Variants in MIER1 observed in about 807,000 individuals in gnomAD.
MIER1 encodes MIER1 transcriptional regulator.
MIER1 carries 40 observed loss-of-function variants against 75.7 expected under a neutral mutation model. The observed-to-expected ratio is 0.53, with a 90% CI of 0.41 to 0.69. MIER1 has a LOEUF of 0.69. Among genes scored for constraint, MIER1 ranks in the 30% least tolerant of loss-of-function variants. MIER1 has a pLI of 0.00. For synonymous variants in MIER1, 213 were observed against 223.4 expected (o/e 0.95, Z 0.42); for missense variants, 574 against 680.2 (o/e 0.84, Z 1.74).
chr1:66,945,631 G>C (rs1447363854), intron 3 of MIER1, among the ~76,000 whole-genome samples: 5 of 152,132 alleles, frequency 3.3e-5, no homozygotes, highest in African/African-American at 7.2e-5. Context: ...GGACGCCAAG[G>C]CAGGATGATT....
chr1:66,982,648 G>A (rs1469431549), intron 13 of MIER1, among the ~76,000 whole-genome samples: 2 of 152,218 alleles, frequency 1.3e-5, no homozygotes, highest in Admixed American at 1.3e-4. Context: ...ACTGGTGATA[G>A]GAGAGTACCA....
rs1360972198 is a variant in MIER1, at chr1:66,955,424, A to G, written c.340-2635A>G. 3.5e-5 allele frequency among the ~76,000 whole-genome samples: 5 copies of G among 142,462 alleles called. No homozygotes were observed. The Admixed American group carries it at 3.9e-4, about 11-fold the overall frequency. The allele number at this position is 142,462 out of a possible 152,430, so 93.5% of individuals were successfully genotyped here. A position where few individuals can be genotyped will look rare whatever the true frequency, so the allele number is the denominator to read the frequency against. ...TAGGTCAGAAAGTTGGGTGAGGCTC[A>G]GCAGCCCATTTTAGTAAGCCCTCAA... On this transcript the variant is annotated intron_variant, in intron 4 of 13. Transcript: ENST00000401041.
At position 66,987,978 on chromosome 1, in the gene MIER1, G is replaced by A. The variant is rs1345214404; in HGVS notation, c.*3078G>A. ...AAATAATGTGTTCCCGTATTTTGTA[G>A]TGGAGTTCATATCACATTATGTTTT... On this transcript the variant is annotated 3_prime_UTR_variant, in exon 14 of 14. Coordinates refer to ENST00000401041, the MANE Select transcript of MIER1 (RefSeq NM_001077700.3). The A allele has an allele frequency of 1.3e-5, 2 of 152,226 alleles. No individual in the cohort carries two copies. The highest frequency in any genetic ancestry group is 3.8e-4 in the East Asian group (2 of 5,328). The allele number at this position is 152,226 out of a possible 1,614,324, so 9.4% of individuals were successfully genotyped here.
intron 1 of MIER1, chr1:66,925,637 C>A: frequency 1.3e-6 from 1 of 750,146 alleles, no homozygotes; most frequent in South Asian, 6.0e-5. Flanking sequence ...CCTCCTAGCG[C>A]GTGGGAGGAT....
Position 66,931,180 on chromosome 1 carries a change from A to G in MIER1, c.168+4938A>G, listed in dbSNP as rs1653253659. ...CTCGTTTTATAGTAAACAAGTTCCT[A>G]AAGCCCCTTTTTTTGATTTTACATA... On this transcript the variant is annotated intron_variant, in intron 2 of 13. Transcript: ENST00000401041. Among the ~76,000 whole-genome samples, 6 of 152,154 alleles carry G rather than the reference A, an allele frequency of 3.9e-5. No homozygotes were observed. The South Asian group carries it at 1.2e-3, about 32-fold the overall frequency.
chr1:66,986,425 A>G lies in MIER1; in HGVS notation c.*1525A>G. 6.2e-7 allele frequency: 1 copy of G among 1,613,314 alleles called. No individual in the cohort carries two copies. The highest frequency in any genetic ancestry group is 8.5e-7 in the Non-Finnish European group (1 of 1,179,476). On this transcript the variant is annotated 3_prime_UTR_variant, in exon 14 of 14. Coordinates refer to ENST00000401041, the MANE Select transcript of MIER1 (RefSeq NM_001077700.3). ...CAGGCATACTCCAAATGCTTCTTCC[A>G]GTTCATTTTTCAGCCATCAGTTCAA...
intron 4 of MIER1, among the ~76,000 whole-genome samples, chr1:66,948,801 A>G (rs1435383087): frequency 1.3e-5 from 2 of 152,234 alleles, no homozygotes; most frequent in African/African-American, 2.4e-5. Flanking sequence ...CATGAGGCTC[A>G]GGTGGGAGGA....
intron 8 of MIER1, among the ~76,000 whole-genome samples, chr1:66,970,378 GT>G (rs1297898373): frequency 9.2e-5 from 14 of 152,172 alleles, no homozygotes; most frequent in Admixed American, 6.5e-4. Context: ...AATAGTTACA[GT>G]TACAATTACA....
chr1:66,977,599 C>T (rs893262142), intron 12 of MIER1, among the ~76,000 whole-genome samples: 1 of 152,030 alleles, frequency 6.6e-6, no homozygotes, highest in African/African-American at 2.4e-5. Flanking sequence ...AATTTATTCC[C>T]ATGTTAAGAG....
At chr1:66,974,917 C>T (rs543967024) in intron 11 of MIER1, among the ~76,000 whole-genome samples, 6 of 152,056 alleles carry the variant, frequency 3.9e-5, no homozygotes, top group Non-Finnish European at 8.8e-5. Context: ...ATGACTTTAT[C>T]TTTTTGCTTT....
intron 13 of MIER1, among the ~76,000 whole-genome samples, chr1:66,984,258 A>G (rs4620509): frequency 0.22 from 33,114 of 152,162 alleles, 3,966 homozygotes; most frequent in Non-Finnish European, 0.26. Context: ...GCTGTCACAT[A>G]TACCTAATAT....
intron 4 of MIER1, chr1:66,947,008 C>T: frequency 1.0e-6 from 1 of 985,180 alleles, no homozygotes; most frequent in Non-Finnish European, 1.2e-6. Context: ...TCTCCTGTCT[C>T]TGTCTGGATC....
At chr1:66,930,413 G>C in intron 2 of MIER1, 1 of 1,606,450 alleles carries the variant, frequency 6.2e-7, no homozygotes, top group East Asian at 2.3e-5. Flanking sequence ...AAGGGAGCGA[G>C]CTCCCCCTCC....
intron 8 of MIER1, among the ~76,000 whole-genome samples, chr1:66,964,448 C>CT (rs71058483): frequency 0.011 from 1,300 of 119,646 alleles, 9 homozygotes; most frequent in Non-Finnish European, 0.015. Context: ...TGTATGTTTC[C>CT]TTTTTTTTTT....
chr1:66,984,932 A>G lies in MIER1; in HGVS notation c.*32A>G. ...GACCTATTTTACTTTCTTTGGAGTA[A>G]ATTCTGGTGTGACTAAAATTTTCAG... On this transcript the variant is annotated 3_prime_UTR_variant, in exon 14 of 14. Coordinates refer to ENST00000401041, the MANE Select transcript of MIER1 (RefSeq NM_001077700.3). The G allele has an allele frequency of 6.5e-7, 1 of 1,532,742 alleles. No homozygotes were observed. The highest frequency in any genetic ancestry group is 1.8e-4 in the Middle Eastern group (1 of 5,558). 94.9% of individuals were successfully genotyped at this position (1,532,742 alleles called of 1,614,324 possible). A position where few individuals can be genotyped will look rare whatever the true frequency, so the allele number is the denominator to read the frequency against.
At chr1:66,931,739 T>G (rs1188413120) in intron 2 of MIER1, among the ~76,000 whole-genome samples, 2 of 152,220 alleles carry the variant, frequency 1.3e-5, no homozygotes, top group African/African-American at 4.8e-5. Flanking sequence ...TTTGTTCCAG[T>G]AGACTGAGAA....
At chr1:66,975,374 A>C (rs1441993589) in intron 11 of MIER1, among the ~76,000 whole-genome samples, 1 of 151,940 alleles carries the variant, frequency 6.6e-6, no homozygotes, top group Non-Finnish European at 1.5e-5. Flanking sequence ...AAAAAATAGA[A>C]AAATTACCTG....
chr1:66,960,836 A>T (rs1383622116), intron 7 of MIER1, among the ~76,000 whole-genome samples: 1 of 152,290 alleles, frequency 6.6e-6, no homozygotes, highest in South Asian at 2.1e-4. Flanking sequence ...CCTGTTTTTA[A>T]TCTGATTCCT....
chr1:66,964,521 C>T lies in MIER1; in HGVS notation c.772+1361C>T, dbSNP rs185418270. 7.4e-3 allele frequency among the ~76,000 whole-genome samples: 1,090 copies of T among 148,248 alleles called. 5 individuals are homozygous for T. The highest frequency in any genetic ancestry group is 0.012 in the Non-Finnish European group (822 of 67,554). ...AGGCTGGAGTGCAATGGCTCAATCT[C>T]GGCTCACTGCAACTTTCGCCTCTCA... On this transcript the variant is annotated intron_variant, in intron 8 of 13. Transcript: ENST00000401041.
Sources: allele counts gnomAD v4.1 joint callset (sites outside exome capture counted in the v4.1 genomes callset), GRCh38; gene constraint gnomAD v4.1.1; transcripts MANE v1.5; gene names NCBI Gene and HGNC (gene_info 2026-07-23, HGNC 2026-07-21).